The following SLAMF7 variants were observed in gnomAD, a reference collection of about 807,000 sequenced individuals.
SLAMF7 encodes the protein 19A24 protein.
SLAMF7 carries 26 observed loss-of-function variants against 34.1 expected under a neutral mutation model. That is an observed-to-expected ratio of 0.76 (90% confidence interval 0.56 to 1.06). The LOEUF (loss-of-function observed/expected upper bound fraction) is 1.06. SLAMF7 is among the 50% of genes least tolerant of loss of function. The pLI is 0.00. For missense variants in SLAMF7, 399 were observed against 402.5 expected (o/e 0.99, Z 0.07); for synonymous variants, 171 against 156.4 (o/e 1.09, Z -0.70).
At chr1:160,739,232 G>T (rs1425723198), upstream of SLAMF7, 5 of 1,354,506 alleles carry the variant, frequency 3.7e-6, no homozygotes, top group Non-Finnish European at 5.3e-6. Flanking sequence ...AATATCAGCT[G>T]GGGAAGAGGT....
At position 160,753,583 on chromosome 1, in the gene SLAMF7, A is replaced by C. The variant is rs1664803504; in HGVS notation, c.*406A>C. On this transcript the variant is annotated 3_prime_UTR_variant, in exon 7 of 7. Transcript: ENST00000368043. ...GCTTGGATGTCAGGATTATACCAAG[A>C]GTCTTGCTACCAGGAGGGCAAGAAG... The C allele has an allele frequency of 5.4e-6, 1 of 184,308 alleles. No individual in the cohort carries two copies. Among genetic ancestry groups the C allele is most frequent in the South Asian group, 1.2e-4 (1 of 8,554 alleles). The allele number at this position is 184,308 out of a possible 1,614,324, so 11.4% of individuals were successfully genotyped here.
intron 5 of SLAMF7, 126 bp from the exon 6 acceptor site, chr1:160,752,060 T>A (rs1205118739): frequency 1.4e-6 from 1 of 710,204 alleles, no homozygotes; most frequent in Non-Finnish European, 2.4e-6. Context: ...AGAACCCTCC[T>A]TTTCCTCTCA....
chr1:160,753,039 G>A lies in SLAMF7; in HGVS notation c.937-67G>A, dbSNP rs186414608. 3.0e-4 allele frequency: 428 copies of A among 1,438,376 alleles called. 1 individual carries two copies. In the African/African-American group the frequency reaches 5.2e-3, roughly 17 times the overall value. The allele number at this position is 1,438,376 out of a possible 1,614,324, so 89.1% of individuals were successfully genotyped here. ...GGAAATAAAGTTTCCTGGATGTCAG[G>A]GTCTCCATGGACGATCCAGAGCCCT... On this transcript the variant is annotated intron_variant, in intron 6 of 6. Transcript: ENST00000368043.
In SLAMF7 at chr1:160,749,959, A is replaced by G. The variant is rs1558058071; in HGVS notation, c.515A>G (p.Asn172Ser). 6.2e-6 allele frequency: 10 copies of G among 1,614,016 alleles called. No homozygotes were observed. Among genetic ancestry groups the G allele is most frequent in the East Asian group, 2.2e-5 (1 of 44,900 alleles). Reference protein sequence around the residue: ...YTWKALGQAANESHNGSILPI... With the variant: ...YTWKALGQAASESHNGSILPI... The stretch of plus-strand genomic sequence containing the variant: ...TGGAAGGCCCTGGGGCAAGCAGCCA[A>G]TGAGTCCCATAATGGGTCCATCCTC... Residue 172 changes from asparagine to serine, a missense_variant, in exon 3 of 7, where the codon AAT becomes AGT. Transcript: ENST00000368043.
chr1:160,746,392 G>C (rs963141377), intron 1 of SLAMF7, among the ~76,000 whole-genome samples: 7 of 152,180 alleles, frequency 4.6e-5, no homozygotes, highest in Non-Finnish European at 1.0e-4. Flanking sequence ...GGATCCTATA[G>C]CTTGGCTGTT....
chr1:160,752,189 A>G lies in SLAMF7; in HGVS notation c.877A>G (p.Thr293Ala), dbSNP rs1348601383. The G allele has an allele frequency of 6.2e-7, 1 of 1,612,462 alleles. No homozygotes were observed. Among genetic ancestry groups the G allele is most frequent in the Non-Finnish European group, 8.5e-7 (1 of 1,178,986 alleles). Reference sequence around the variant, plus strand: ...GTTTGTTGTTTGTTTTTAAAAGAGAACAATCCTAAAGGAAGATCCAGCAAA... The same window carrying G: ...GTTTGTTGTTTGTTTTTAAAAGAGAGCAATCCTAAAGGAAGATCCAGCAAA... ...EYDTIPHTNR[T>A]ILKEDPANTV... Residue 293 changes from threonine (T) to alanine (A), a missense_variant, in exon 6 of 7, where the codon ACA becomes GCA. Coordinates refer to ENST00000368043, the MANE Select transcript of SLAMF7 (RefSeq NM_021181.5).
In SLAMF7 at chr1:160,748,392, A is replaced by G; in HGVS notation, c.254A>G (p.Asp85Gly). ...NRNRERVDFP[D>G]GGYSLKLSKL... ...AATAGGGAGAGAGTAGACTTCCCAGATGGAGGCTACTCCCTGAAGCTCAGC... is the reference window on the plus strand; with the variant it reads ...AATAGGGAGAGAGTAGACTTCCCAGGTGGAGGCTACTCCCTGAAGCTCAGC... The change falls in exon 2 of 7, where the codon GAT becomes GGT. Residue 85 changes from aspartate to glycine, a missense_variant. By Grantham distance (94) the Asp-to-Gly change is moderately conservative (BLOSUM62 -1). Coordinates refer to ENST00000368043, the MANE Select transcript of SLAMF7 (RefSeq NM_021181.5). 1.2e-6 allele frequency: 2 copies of G among 1,614,058 alleles called. No homozygotes were observed. Among genetic ancestry groups the G allele is most frequent in the Non-Finnish European group, 8.5e-7 (1 of 1,179,960 alleles).
rs1448984300 is a variant in SLAMF7 at position 160,753,418 on chromosome 1, T to A, written c.*241T>A. On this transcript the variant is annotated 3_prime_UTR_variant, in exon 7 of 7. Transcript: ENST00000368043. ...AATCACTTCATCCCAAAAATGGGAT[T>A]GTGAATGTCAGCAAACCATAAAAAA... is the stretch of plus-strand genomic sequence containing the variant. The A allele has an allele frequency of 3.8e-6, 2 of 524,006 alleles. No individual in the cohort carries two copies. Among genetic ancestry groups the A allele is most frequent in the Non-Finnish European group, 6.8e-6 (2 of 295,392 alleles). 32.5% of individuals were successfully genotyped at this position (524,006 alleles called of 1,614,324 possible). A position where few individuals can be genotyped will look rare whatever the true frequency, so the allele number is the denominator to read the frequency against.
At position 160,745,959 on chromosome 1, in the gene SLAMF7, G is replaced by A. The variant is rs562135799; in HGVS notation, c.56-2235G>A. ...ACCAAAGAAATAAATCTCTAATGAA[G>A]CAATTTTTGATATCTGGATATGTCT... On this transcript the variant is annotated intron_variant, in intron 1 of 6. Transcript: ENST00000368043. 9.9e-5 allele frequency among the ~76,000 whole-genome samples: 15 copies of A among 152,228 alleles called. No homozygotes were observed. In the South Asian group the frequency reaches 2.7e-3, roughly 27 times the overall value.
chr1:160,753,110 A>C lies in SLAMF7; in HGVS notation c.941A>C (p.Glu314Ala), dbSNP rs141829531. 499 of 1,613,590 alleles carry C rather than the reference A, an allele frequency of 3.1e-4. No individual in the cohort carries two copies. The highest frequency in any genetic ancestry group is 4.1e-4 in the Non-Finnish European group (485 of 1,179,922). The change falls in exon 7 of 7, where the codon GAA becomes GCA. Residue 314 changes from glutamate to alanine, a missense_variant. By Grantham distance (107) the Glu-to-Ala change is moderately radical (BLOSUM62 -1). Transcript: ENST00000368043. ...TTTCTTTTTGTCTGTCTTCAGATGG[A>C]AAATCCCCACTCACTGCTCACGATG... ...YSTVEIPKKM[E>A]NPHSLLTMPD...
rs1221468662 is a variant in SLAMF7 at position 160,754,046 on chromosome 1, G to A, written c.*869G>A. On this transcript the variant is annotated 3_prime_UTR_variant, in exon 7 of 7. Transcript: ENST00000368043. ...AAGAGACCGAGTCTGAAGTCACATT[G>A]TAAATCTAGTGTAGGAGACTTGGAG... 1 of 152,616 alleles carries A rather than the reference G, an allele frequency of 6.6e-6. No individual in the cohort carries two copies. The highest frequency in any genetic ancestry group is 1.5e-5 in the Non-Finnish European group (1 of 68,138). 9.5% of individuals were successfully genotyped at this position (152,616 alleles called of 1,614,324 possible).
Position 160,751,432 on chromosome 1 carries a change from C to G in SLAMF7, c.857C>G (p.Thr286Arg), listed in dbSNP as rs1161084708. 2 of 1,613,116 alleles carry G rather than the reference C, an allele frequency of 1.2e-6. No individual in the cohort carries two copies. Among genetic ancestry groups the G allele is most frequent in the African/African-American group, 2.7e-5 (2 of 74,996 alleles). The change falls in exon 5 of 7, where the codon ACA (threonine) becomes AGA (arginine). Residue 286 changes from threonine to arginine, a missense_variant. Physicochemically the swap from Thr to Arg is moderately conservative, Grantham distance 71. Transcript: ENST00000368043. ...TCTGGAGAGAACACAGAGTACGACA[C>G]AATCCCTCACACTAATGTGAGTCCC... The part of the protein sequence containing the change: ...PHSGENTEYD[T>R]IPHTNRTILK...
intron 1 of SLAMF7, 148 bp from the exon 2 acceptor site, chr1:160,748,046 C>T: frequency 1.5e-6 from 1 of 665,948 alleles, no homozygotes; most frequent in South Asian, 2.0e-5. Context: ...ATGTGAGGGA[C>T]CTCTATATGA....
intron 2 of SLAMF7, 107 bp from the exon 3 acceptor site, chr1:160,749,714 C>T (rs1571123328): frequency 2.1e-6 from 2 of 962,544 alleles, no homozygotes; most frequent in East Asian, 4.9e-5. Context: ...GCTTTCTCTC[C>T]AGTCTGGAGC....
chr1:160,753,414 G>A lies in SLAMF7; in HGVS notation c.*237G>A, dbSNP rs1278994218. 1 of 518,730 alleles carries A rather than the reference G, an allele frequency of 1.9e-6. No homozygotes were observed. Among genetic ancestry groups the A allele is most frequent in the Non-Finnish European group, 3.4e-6 (1 of 292,554 alleles). 32.1% of individuals were successfully genotyped at this position (518,730 alleles called of 1,614,324 possible). Reference sequence around the variant, plus strand: ...GTTTAATCACTTCATCCCAAAAATGGGATTGTGAATGTCAGCAAACCATAA... The same window carrying A: ...GTTTAATCACTTCATCCCAAAAATGAGATTGTGAATGTCAGCAAACCATAA... On this transcript the variant is annotated 3_prime_UTR_variant, in exon 7 of 7. Transcript: ENST00000368043.
chr1:160,748,197 C>A lies in SLAMF7; in HGVS notation c.59C>A (p.Ser20Ter). 1.2e-6 allele frequency: 2 copies of A among 1,613,568 alleles called. No homozygotes were observed. The highest frequency in any genetic ancestry group is 1.1e-5 in the South Asian group (1 of 91,032). Residue 20 changes from serine (S) to a stop codon, truncating the protein, a stop_gained, in exon 2 of 7, where the codon TCA (serine) becomes TAA (stop). Coordinates refer to ENST00000368043, the MANE Select transcript of SLAMF7 (RefSeq NM_021181.5). LOFTEE classifies it high-confidence loss of function. The stretch of plus-strand genomic sequence containing the variant: ...TTATGGTTCTCTGTGTTTATAGGGT[C>A]AGCAGCCTCTGGACCCGTGAAAGAG... ...LIYILWQLTGSAASGPVKELV... is the reference protein window; with the variant it reads ...LIYILWQLTG
chr1:160,739,218 T>C (rs1230318108), upstream of SLAMF7: 10 of 1,267,908 alleles, frequency 7.9e-6, no homozygotes, highest in Admixed American at 5.0e-5. Flanking sequence ...CTCCTGCTTC[T>C]TTAAATATCA....
intron 1 of SLAMF7, among the ~76,000 whole-genome samples, chr1:160,741,541 A>T (rs116288986): frequency 7.2e-5 from 11 of 152,340 alleles, no homozygotes; most frequent in Non-Finnish European, 1.3e-4. Flanking sequence ...ATAGATTTCA[A>T]ACCACTTTGG....
chr1:160,741,283 G>A (rs1208546030), intron 1 of SLAMF7, among the ~76,000 whole-genome samples: 1 of 152,182 alleles, frequency 6.6e-6, no homozygotes, highest in Non-Finnish European at 1.5e-5. Flanking sequence ...ACAAAAAAGT[G>A]GGTGAGGGGA....
Sources: allele counts gnomAD v4.1 joint callset (sites outside exome capture counted in the v4.1 genomes callset), GRCh38; gene constraint gnomAD v4.1.1; transcripts MANE v1.5; gene names NCBI Gene and HGNC (gene_info 2026-07-23, HGNC 2026-07-21).